The following MCTP2 variants were observed in gnomAD, a reference collection of about 807,000 sequenced individuals.
MCTP2 encodes the protein multiple C2 and transmembrane domain-containing protein 2.
In MCTP2, 132 loss-of-function variants were observed where a neutral mutation model predicts 111.6. The ratio of observed to expected loss-of-function variants is 1.18; its 90% CI spans 1.03 to 1.37. MCTP2 has a LOEUF of 1.37. Among genes scored for constraint, MCTP2 ranks in the 40% most tolerant of loss-of-function variants. MCTP2 has a pLI of 0.00. For missense variants in MCTP2, 1,183 were observed against 1,067.9 expected, an observed-to-expected ratio of 1.11 and a Z score of -1.50; for synonymous variants, 395 against 387.7, an observed-to-expected ratio of 1.02 and a Z score of -0.22.
chr15:94,354,860 G>A (rs1368243944), intron 8 of MCTP2, among the ~76,000 whole-genome samples: 1 of 152,134 alleles, frequency 6.6e-6, no homozygotes, highest in South Asian at 2.1e-4. Context: ...ACTGCTGTCC[G>A]AGCAAATTGG....
At chr15:94,457,222 C>A (rs551976432) in intron 19 of MCTP2, among the ~76,000 whole-genome samples, 1 of 152,242 alleles carries the variant, frequency 6.6e-6, no homozygotes, top group South Asian at 2.1e-4. Flanking sequence ...ATCCCAATTA[C>A]AGCAAAGTCA....
intron 10 of MCTP2, among the ~76,000 whole-genome samples, chr15:94,365,730 T>C (rs1160734048): frequency 6.6e-6 from 1 of 152,166 alleles, no homozygotes; most frequent in Admixed American, 6.5e-5. Flanking sequence ...AGAGCACTTG[T>C]ATCTAAATAA....
rs2892540 is a variant in MCTP2 at position 94,252,603 on chromosome 15, A to G, written c.-66+20939A>G. 8.5e-3 allele frequency among the ~76,000 whole-genome samples: 1,291 copies of G among 152,066 alleles called. 17 individuals are homozygous for G. Among genetic ancestry groups the G allele is most frequent in the African/African-American group, 0.029 (1,218 of 41,396 alleles). The stretch of plus-strand genomic sequence containing the variant: ...ACAGAGTGGAGAAAAATAAACCACA[A>G]ATTTTTTATTCATGCCTCTGGTTTA... On this transcript the variant is annotated intron_variant, in intron 1 of 22. Transcript: ENST00000357742.
chr15:94,352,014 C>T (rs1259877454), intron 8 of MCTP2, among the ~76,000 whole-genome samples: 2 of 152,150 alleles, frequency 1.3e-5, no homozygotes, highest in African/African-American at 4.8e-5. Flanking sequence ...TGCAGCCATG[C>T]CAAGGAAAAG....
chr15:94,385,965 C>A (rs2080446242), intron 14 of MCTP2, among the ~76,000 whole-genome samples: 2 of 152,172 alleles, frequency 1.3e-5, no homozygotes, highest in Admixed American at 1.3e-4. Context: ...AGACCATTTT[C>A]CCAAAAGTTC....
At chr15:94,342,754 A>G (rs1181216767) in intron 7 of MCTP2, 2 of 151,046 alleles carry the variant, frequency 1.3e-5, no homozygotes, top group African/African-American at 2.4e-5. Flanking sequence ...ATACACACAC[A>G]TATATATCTC....
At chr15:94,330,515 T>A (rs1465660222) in intron 4 of MCTP2, among the ~76,000 whole-genome samples, 1 of 152,126 alleles carries the variant, frequency 6.6e-6, no homozygotes, top group African/African-American at 2.4e-5. Context: ...CTTTCTTATT[T>A]TTTTTTCTCC....
intron 1 of MCTP2, among the ~76,000 whole-genome samples, chr15:94,248,850 C>T (rs140257413): frequency 2.2e-4 from 33 of 152,310 alleles, no homozygotes; most frequent in East Asian, 7.7e-4. Flanking sequence ...AACCCTGCCA[C>T]GGTGGCTTAC....
At chr15:94,419,538 T>C (rs1032157963) in intron 17 of MCTP2, among the ~76,000 whole-genome samples, 1 of 152,044 alleles carries the variant, frequency 6.6e-6, no homozygotes, top group African/African-American at 2.4e-5. Flanking sequence ...CATTCTTCCA[T>C]TATTGGTGTC....
intron 1 of MCTP2, among the ~76,000 whole-genome samples, chr15:94,267,220 A>C (rs139973223): frequency 2.6e-5 from 4 of 152,186 alleles, no homozygotes; most frequent in Non-Finnish European, 4.4e-5. Flanking sequence ...TCCCTGTTGC[A>C]GTCAATTCCT....
At chr15:94,474,017 A>T (rs1017648851) in intron 21 of MCTP2, among the ~76,000 whole-genome samples, 1 of 151,976 alleles carries the variant, frequency 6.6e-6, no homozygotes, top group African/African-American at 2.4e-5. Context: ...AATTCAATCT[A>T]TGATCCAGGA....
chr15:94,333,751 C>G (rs2077231685), intron 4 of MCTP2, among the ~76,000 whole-genome samples: 1 of 152,162 alleles, frequency 6.6e-6, no homozygotes, highest in Non-Finnish European at 1.5e-5. Flanking sequence ...TTAATTGTAT[C>G]TCCAAAGTGG....
In MCTP2 at chr15:94,340,890, A is replaced by G; in HGVS notation, c.935A>G (p.Asn312Ser). ...ATGGGAGTGATCGTGTTAAATTTGA[A>G]CCTAGTGGTAAAACAGGGTGATTTC... is the stretch of plus-strand genomic sequence containing the variant. ...DDMGVIVLNL[N>S]LVVKQGDFKR... is the part of the protein sequence containing the mutation. The change falls in exon 7 of 23, where the codon AAC becomes AGC. Residue 312 changes from asparagine to serine, a missense_variant. Coordinates refer to ENST00000357742, the MANE Select transcript of MCTP2 (RefSeq NM_001385001.1). 6.2e-7 allele frequency: 1 copy of G among 1,611,992 alleles called. No homozygotes were observed. Among genetic ancestry groups the G allele is most frequent in the Non-Finnish European group, 8.5e-7 (1 of 1,178,188 alleles).
chr15:94,340,729 CTT>C, intron 6 of MCTP2, 82 bp from the exon 7 acceptor site: 1 of 775,822 alleles, frequency 1.3e-6, no homozygotes, highest in Non-Finnish European at 2.1e-6. Flanking sequence ...AGGTAGGAGA[CTT>C]TTACCATAAG....
intron 1 of MCTP2, among the ~76,000 whole-genome samples, chr15:94,256,784 A>G (rs1341375588): frequency 2.0e-5 from 3 of 152,212 alleles, no homozygotes; most frequent in Non-Finnish European, 2.9e-5. Context: ...TGAAATCTGA[A>G]TAACCAGGAA....
At chr15:94,363,415 C>T (rs1043601439) in intron 10 of MCTP2, among the ~76,000 whole-genome samples, 7 of 152,024 alleles carry the variant, frequency 4.6e-5, no homozygotes, top group South Asian at 2.1e-4. Context: ...GAACAGCGGT[C>T]TAAGCTGAGA....
At chr15:94,472,435 A>T (rs1209052083) in intron 21 of MCTP2, among the ~76,000 whole-genome samples, 1 of 152,186 alleles carries the variant, frequency 6.6e-6, no homozygotes, top group Non-Finnish European at 1.5e-5. Context: ...TCATTTGATC[A>T]TCAATTTTGA....
intron 1 of MCTP2, among the ~76,000 whole-genome samples, chr15:94,292,571 A>G (rs2075081455): frequency 6.6e-6 from 1 of 152,238 alleles, no homozygotes; most frequent in Non-Finnish European, 1.5e-5. Context: ...TGTACTGGGT[A>G]TGTGAGCTAA....
intron 12 of MCTP2, among the ~76,000 whole-genome samples, chr15:94,372,848 G>T (rs2079560882): frequency 6.6e-6 from 1 of 151,998 alleles, no homozygotes; most frequent in Non-Finnish European, 1.5e-5. Context: ...TAGACATGGT[G>T]CAAAAGGGAA....
Sources: gnomAD v4.1 joint callset for allele counts (sites outside exome capture counted in the v4.1 genomes callset) on GRCh38, gnomAD v4.1.1 for gene constraint, MANE v1.5 for transcripts, NCBI Gene and HGNC (gene_info 2026-07-23, HGNC 2026-07-21) for gene names.